RABL6: variants seen among roughly 807,000 people sequenced by gnomAD.
RABL6 encodes RAB, member RAS oncogene family like 6, also known as rab-like protein 6.
A neutral mutation model predicts 72.9 loss-of-function variants in RABL6; 28 were observed. The observed-to-expected ratio is 0.38, with a 90% confidence interval of 0.28 to 0.53. The LOEUF is 0.53. RABL6 is among the 20% of genes least tolerant of loss of function. The pLI is 0.80. For synonymous variants in RABL6, 477 were observed against 421.2 expected, an observed-to-expected ratio of 1.13 and a Z score of -1.62; for missense variants, 1,029 against 1,008.4, an observed-to-expected ratio of 1.02 and a Z score of -0.28.
intron 1 of RABL6, among the ~76,000 whole-genome samples, chr9:136,810,816 C>T (rs1396336792): frequency 6.6e-6 from 1 of 152,216 alleles, no homozygotes; most frequent in Non-Finnish European, 1.5e-5. Context: ...GCTGGGATTA[C>T]AGGCGTAAGC....
chr9:136,823,055 T>C (rs1030785515), intron 1 of RABL6, among the ~76,000 whole-genome samples: 8 of 144,246 alleles, frequency 5.5e-5, no homozygotes, highest in African/African-American at 2.1e-4. Flanking sequence ...ACCACTGCAG[T>C]ACGGCCTGGG....
chr9:136,821,759 AG>A, intron 1 of RABL6: 1 of 1,150,446 alleles, frequency 8.7e-7, no homozygotes, highest in Non-Finnish European at 1.1e-6. Flanking sequence ...GCCGGGCTGG[AG>A]GGCGCTGCAG....
rs764728707 is a variant in RABL6, at chr9:136,837,673, G to A, written c.1126+11G>A. The A allele has an allele frequency of 1.3e-6, 2 of 1,570,600 alleles. No individual in the cohort carries two copies. The highest frequency in any genetic ancestry group is 2.3e-5 in the South Asian group (2 of 85,406). ...CCCCTCCACCTCCAGGTAGGCCCTGGAGCTGCCCCTCCCAAACTGGTCCCA... is the reference window on the plus strand; with the variant it reads ...CCCCTCCACCTCCAGGTAGGCCCTGAAGCTGCCCCTCCCAAACTGGTCCCA... On this transcript the variant is annotated intron_variant, in intron 9 of 14. Coordinates refer to ENST00000311502, the MANE Select transcript of RABL6 (RefSeq NM_024718.5).
intron 2 of RABL6, among the ~76,000 whole-genome samples, chr9:136,824,399 C>T (rs540134290): frequency 3.1e-5 from 4 of 128,734 alleles, no homozygotes; most frequent in South Asian, 5.3e-4. Context: ...GGTGAGATCT[C>T]GGCTCACTGG....
rs754824559 is a variant in RABL6, at chr9:136,839,128, G to A, written c.1493+7G>A. 7.4e-6 allele frequency: 12 copies of A among 1,611,576 alleles called. No individual in the cohort carries two copies. Among genetic ancestry groups the A allele is most frequent in the Admixed American group, 1.7e-5 (1 of 59,924 alleles). ...CAGAGCCAGAGACCAAGTGGTAAGG[G>A]CAGGTGTCCCCACGGGTGCGGCCTG... On this transcript the variant is annotated splice_region_variant and intron_variant, in intron 11 of 14. Coordinates refer to ENST00000311502, the MANE Select transcript of RABL6 (RefSeq NM_024718.5).
intron 1 of RABL6, among the ~76,000 whole-genome samples, chr9:136,821,022 T>C (rs1331520650): frequency 6.6e-6 from 1 of 152,166 alleles, no homozygotes; most frequent in East Asian, 1.9e-4. Flanking sequence ...TGACCCCAAC[T>C]CTCCGACGTT....
At chr9:136,816,590 G>A (rs1191436061) in intron 1 of RABL6, among the ~76,000 whole-genome samples, 1 of 151,938 alleles carries the variant, frequency 6.6e-6, no homozygotes, top group African/African-American at 2.4e-5. Context: ...ATGGGCACAT[G>A]CCTGTAATCC....
In RABL6 at chr9:136,839,034, T is replaced by C. The variant is rs1848635785; in HGVS notation, c.1406T>C (p.Leu469Pro). Reference protein sequence around the residue: ...AGPVPSQDITLSSEEEAEVAA... With the variant: ...AGPVPSQDITPSSEEEAEVAA... ...CCCGTCCCCAGTCAAGACATCACTC[T>C]TTCGAGTGAGGAGGAAGCAGAAGTG... The change falls in exon 11 of 15, where the codon CTT (leucine) becomes CCT (proline). Residue 469 changes from leucine (L) to proline (P), a missense_variant. Around this residue, in one of 2 missense-constraint regions of RABL6, gnomAD observed 595 missense variants for 472.4 expected, o/e 1.26. Transcript: ENST00000311502. 2.5e-6 allele frequency: 4 copies of C among 1,612,458 alleles called. No individual in the cohort carries two copies. The highest frequency in any genetic ancestry group is 3.4e-6 in the Non-Finnish European group (4 of 1,179,742).
chr9:136,839,684 C>A lies in RABL6; in HGVS notation c.1759-10C>A. 1 of 1,572,994 alleles carries A rather than the reference C, an allele frequency of 6.4e-7. No homozygotes were observed. Among genetic ancestry groups the A allele is most frequent in the Non-Finnish European group, 8.6e-7 (1 of 1,156,344 alleles). Reference sequence around the variant, plus strand: ...GATGATGGCCTGACCAGTTGCTCTCCCTGCTCCAGGATGACTTTCCCGTGC... The same window carrying A: ...GATGATGGCCTGACCAGTTGCTCTCACTGCTCCAGGATGACTTTCCCGTGC... On this transcript the variant is annotated splice_polypyrimidine_tract_variant and intron_variant, in intron 12 of 14. Coordinates refer to ENST00000311502, the MANE Select transcript of RABL6 (RefSeq NM_024718.5).
intron 7 of RABL6, chr9:136,832,842 C>T (rs913515202): frequency 3.2e-6 from 1 of 312,870 alleles, no homozygotes; most frequent in Non-Finnish European, 6.2e-6. Flanking sequence ...AACCAAGGAA[C>T]CAACTTTGGC....
At chr9:136,823,799 T>A in intron 2 of RABL6, 140 bp downstream of exon 2, 1 of 1,146,028 alleles carries the variant, frequency 8.7e-7, no homozygotes, top group Non-Finnish European at 1.2e-6. Context: ...GTGGGGGCCC[T>A]GGCGTGAACT....
rs1464276770 is a variant in RABL6, at chr9:136,807,961, G to A, written c.-236G>A. On this transcript the variant is annotated 5_prime_UTR_variant, in exon 1 of 15. Transcript: ENST00000311502. ...GAGCCGGCGCCAAGATGGCGGCGCT[G>A]ACTCCTGGAGAGCGGTCGCGCCGGA... is the stretch of plus-strand genomic sequence containing the variant. 13 of 1,001,450 alleles carry A rather than the reference G, an allele frequency of 1.3e-5. No homozygotes were observed. Among genetic ancestry groups the A allele is most frequent in the Non-Finnish European group, 1.5e-5 (13 of 842,114 alleles). 62.0% of individuals were successfully genotyped at this position (1,001,450 alleles called of 1,614,324 possible). A position where few individuals can be genotyped will look rare whatever the true frequency, so the allele number is the denominator to read the frequency against.
chr9:136,837,353 G>A lies in RABL6; in HGVS notation c.817G>A (p.Glu273Lys). The change falls in exon 9 of 15, where the codon GAG (glutamate) becomes AAG (lysine). Residue 273 changes from glutamate (E) to lysine (K), a missense_variant. Transcript: ENST00000311502. ...TEDQNYGIFLEMMEARSRGHA... is the reference protein window; with the variant it reads ...TEDQNYGIFLKMMEARSRGHA... ...CCGCCTTCTGCCTTTCAGCTTCCTG[G>A]AGATGATGGAGGCTCGCAGCCGTGG... 5.0e-6 allele frequency: 8 copies of A among 1,604,708 alleles called. No individual in the cohort carries two copies. Among genetic ancestry groups the A allele is most frequent in the Non-Finnish European group, 6.8e-6 (8 of 1,176,408 alleles).
At chr9:136,835,585 C>T (rs1195526060) in intron 7 of RABL6, 157 bp from the exon 8 acceptor site, 1 of 628,430 alleles carries the variant, frequency 1.6e-6, no homozygotes, top group East Asian at 2.8e-5. Context: ...TCAAGTGGGG[C>T]CCAGCGCAGA....
intron 8 of RABL6, 173 bp downstream of exon 8, chr9:136,836,018 GC>G (rs1214013300): frequency 1.6e-5 from 10 of 614,404 alleles, no homozygotes; most frequent in African/African-American, 3.7e-5. Flanking sequence ...GCCCCCAGCA[GC>G]CCCCCCACAG....
intron 1 of RABL6, among the ~76,000 whole-genome samples, chr9:136,811,186 A>C (rs776858933): frequency 1.8e-4 from 27 of 152,240 alleles, no homozygotes; most frequent in Non-Finnish European, 3.4e-4. Flanking sequence ...CATGTGCCCA[A>C]GGTGGAGGGC....
At chr9:136,821,615 TGCCTCGGGCCGGAGGAGGGAGGGC>T in intron 1 of RABL6, 1 of 987,404 alleles carries the variant, frequency 1.0e-6, no homozygotes, top group Non-Finnish European at 1.2e-6. Flanking sequence ...CCCGGGTTCC[TGCCTCGGGCCGGAGGAGGGAGGGC>T]GCCGCGGCCC....
At chr9:136,822,099 G>A in intron 1 of RABL6, 4 of 1,286,830 alleles carry the variant, frequency 3.1e-6, no homozygotes, top group Non-Finnish European at 4.0e-6. Context: ...GGAGAGAGGA[G>A]CCGGGTGGGG....
chr9:136,822,031 G>A (rs1233203783), intron 1 of RABL6: 22 of 1,289,626 alleles, frequency 1.7e-5, no homozygotes, highest in Non-Finnish European at 2.2e-5. Flanking sequence ...CAAGCTTCAG[G>A]GGAGAAGAAA....
Sources: allele counts gnomAD v4.1 joint callset (sites outside exome capture counted in the v4.1 genomes callset), GRCh38; gene constraint gnomAD v4.1.1; regional missense constraint gnomAD v4.1.1; transcripts MANE v1.5; gene names NCBI Gene and HGNC (gene_info 2026-07-23, HGNC 2026-07-21).